The following TIAM2 variants were observed in gnomAD, a reference collection of about 807,000 sequenced individuals.
TIAM2 encodes the protein TIAM Rac1 associated GEF 2.
TIAM2 carries 80 observed loss-of-function variants against 152.9 expected under a neutral mutation model. The observed-to-expected ratio is 0.52, with a 90% CI of 0.44 to 0.63. The LOEUF (loss-of-function observed/expected upper bound fraction) is 0.63. Ranked by LOEUF, TIAM2 falls within the 30% of genes least tolerant of loss-of-function variation. The pLI is 0.00. For missense variants in TIAM2, 1,965 were observed against 2,120.1 expected, an observed-to-expected ratio of 0.93 and a Z score of 1.44; for synonymous variants, 804 against 838.0, an observed-to-expected ratio of 0.96 and a Z score of 0.70.
intron 2 of TIAM2, among the ~76,000 whole-genome samples, chr6:155,093,207 T>G (rs959972843): frequency 3.3e-5 from 5 of 152,196 alleles, no homozygotes; most frequent in Non-Finnish European, 7.3e-5. Flanking sequence ...ATAATGATAA[T>G]AATACAGTTC....
At chr6:155,180,361 T>G (rs1780870432) in intron 12 of TIAM2, among the ~76,000 whole-genome samples, 1 of 152,072 alleles carries the variant, frequency 6.6e-6, no homozygotes, top group African/African-American at 2.4e-5. Flanking sequence ...TTCCTACATT[T>G]CTCCTTGATT....
intron 2 of TIAM2, among the ~76,000 whole-genome samples, chr6:155,113,584 C>T (rs1167703797): frequency 6.6e-6 from 1 of 151,870 alleles, no homozygotes; most frequent in East Asian, 1.9e-4. Flanking sequence ...ATTAGCTGGG[C>T]GTTATGGTGG....
Position 155,119,737 on chromosome 6 carries a change from G to T in TIAM2, c.-117-7753G>T, listed in dbSNP as rs568506385. 7.2e-5 allele frequency among the ~76,000 whole-genome samples: 11 copies of T among 152,264 alleles called. No individual in the cohort carries two copies. In the East Asian group the frequency reaches 2.1e-3, roughly 29 times the overall value. On this transcript the variant is annotated intron_variant, in intron 2 of 26. Coordinates refer to ENST00000682666, the MANE Select transcript of TIAM2 (RefSeq NM_012454.4). ...CATTCTGGCAAAACTACCTCTTGTG[G>T]TTTTATAAGTCAGTTTTTAAAACAT...
intron 7 of TIAM2, among the ~76,000 whole-genome samples, chr6:155,158,748 G>C (rs932180901): frequency 6.7e-6 from 1 of 149,336 alleles, no homozygotes; most frequent in African/African-American, 2.5e-5. Context: ...ATAGAGACGG[G>C]GTTTCACCAC....
At chr6:155,215,761 T>A (rs1229272281) in intron 15 of TIAM2, among the ~76,000 whole-genome samples, 2 of 151,040 alleles carry the variant, frequency 1.3e-5, no homozygotes, top group Non-Finnish European at 3.0e-5. Context: ...TCGTGTTATA[T>A]CTAAAGCAAT....
Position 155,144,595 on chromosome 6 carries a change from CT to C in TIAM2, c.1631-10del. The stretch of plus-strand genomic sequence containing the variant: ...CTGACCGGGATGTTATTTTGCTTCT[CT>C]GTTTCACAGGATGCACGCTGCTGTT... On this transcript the variant is annotated splice_polypyrimidine_tract_variant and intron_variant, in intron 5 of 26. Transcript: ENST00000682666. 1 of 1,501,570 alleles carries C rather than the reference CT, an allele frequency of 6.7e-7. No individual in the cohort carries two copies. Among genetic ancestry groups the C allele is most frequent in the South Asian group, 1.4e-5 (1 of 71,828 alleles). 93.0% of individuals were successfully genotyped at this position (1,501,570 alleles called of 1,614,324 possible).
intron 1 of TIAM2, among the ~76,000 whole-genome samples, chr6:155,028,574 C>CATATATACTACATATATATACTGTGTT (rs1776691625): frequency 1.6e-5 from 2 of 125,726 alleles, no homozygotes; most frequent in African/African-American, 2.9e-5. Flanking sequence ...TACTGTGTTA[C>CATATATACTACATATATATACTGTGTT]ATATATACTA....
chr6:155,101,088 C>T (rs1778540160), intron 2 of TIAM2, among the ~76,000 whole-genome samples: 1 of 152,146 alleles, frequency 6.6e-6, no homozygotes, highest in Non-Finnish European at 1.5e-5. Flanking sequence ...CCAGTCCTAC[C>T]CGCCCTCACT....
intron 1 of TIAM2, among the ~76,000 whole-genome samples, chr6:155,074,681 A>C (rs1015619030): frequency 6.6e-6 from 1 of 151,956 alleles, no homozygotes; most frequent in Non-Finnish European, 1.5e-5. Flanking sequence ...TGTTCTTCCA[A>C]ATTATTATCA....
At chr6:155,250,031 T>A in intron 21 of TIAM2, 62 bp downstream of exon 21, 1 of 1,287,320 alleles carries the variant, frequency 7.8e-7, no homozygotes, top group South Asian at 1.4e-5. Flanking sequence ...GTAGGTGACC[T>A]TCTAGATAGG....
At chr6:155,114,028 A>ATTTTTTTTTT (rs1778930807) in intron 2 of TIAM2, among the ~76,000 whole-genome samples, 1 of 42,608 alleles carries the variant, frequency 2.3e-5, no homozygotes, top group Non-Finnish European at 4.5e-5. Context: ...ATATATATAT[A>ATTTTTTTTTT]TATATATATT....
At position 155,186,070 on chromosome 6, in the gene TIAM2, A is replaced by G. The variant is rs967692894; in HGVS notation, c.3064+2570A>G. 6.6e-6 allele frequency among the ~76,000 whole-genome samples: 1 copy of G among 152,226 alleles called. No homozygotes were observed. Among genetic ancestry groups the G allele is most frequent in the African/African-American group, 2.4e-5 (1 of 41,472 alleles). ...GTTGAGGGGAAAAGAAAATAAGGGT[A>G]GGTGGGTGGATTAAAAGATAAAAGT... On this transcript the variant is annotated intron_variant, in intron 14 of 26. Coordinates refer to ENST00000682666, the MANE Select transcript of TIAM2 (RefSeq NM_012454.4). The surrounding 1 kb of genome is among the most constrained non-coding windows in gnomAD (Gnocchi z 4.5).
intron 26 of TIAM2, chr6:155,255,404 A>AT (rs1783937019): frequency 6.6e-6 from 1 of 152,256 alleles, no homozygotes; most frequent in South Asian, 2.1e-4. Flanking sequence ...TACATTAACT[A>AT]TTTTGTTATT....
At chr6:155,000,751 G>A (rs1466535590) in intron 1 of TIAM2, among the ~76,000 whole-genome samples, 1 of 152,128 alleles carries the variant, frequency 6.6e-6, no homozygotes, top group Admixed American at 6.5e-5. Context: ...CTGGGAGGCC[G>A]ACGCTGGGGA....
Position 155,215,151 on chromosome 6 carries a change from T to C in TIAM2, c.3168+3844T>C, listed in dbSNP as rs183895499. On this transcript the variant is annotated intron_variant, in intron 15 of 26. Coordinates refer to ENST00000682666, the MANE Select transcript of TIAM2 (RefSeq NM_012454.4). ...CTCTTAAGAAGGAAATTGAATTTTT[T>C]CCCAAAGTTTATCTTAAGATTCAGC... 4.3e-3 allele frequency among the ~76,000 whole-genome samples: 650 copies of C among 152,284 alleles called. 3 individuals carry two copies. The highest frequency in any genetic ancestry group is 9.9e-3 in the African/African-American group (410 of 41,548).
intron 15 of TIAM2, among the ~76,000 whole-genome samples, chr6:155,235,934 T>C (rs9384303): frequency 0.14 from 20,751 of 152,216 alleles, 1,639 homozygotes; most frequent in Non-Finnish European, 0.19. Context: ...TCTCACCAGA[T>C]GCCATTTAAC....
intron 2 of TIAM2, among the ~76,000 whole-genome samples, chr6:155,111,403 A>G (rs1778845922): frequency 6.6e-6 from 1 of 152,154 alleles, no homozygotes; most frequent in Admixed American, 6.5e-5. Flanking sequence ...TTAACTATAA[A>G]ACAACAACAA....
intron 2 of TIAM2, among the ~76,000 whole-genome samples, chr6:155,115,004 C>T (rs11963901): frequency 0.19 from 28,210 of 151,332 alleles, 3,792 homozygotes; most frequent in African/African-American, 0.38. Flanking sequence ...ATTTTTGTAT[C>T]TTTGGTAGAG....
chr6:155,189,297 C>A lies in TIAM2; in HGVS notation c.3064+5797C>A, dbSNP rs1188133494. 2.0e-5 allele frequency among the ~76,000 whole-genome samples: 3 copies of A among 151,974 alleles called. No homozygotes were observed. In the East Asian group the frequency reaches 5.8e-4, roughly 29 times the overall value. On this transcript the variant is annotated intron_variant, in intron 14 of 26. Transcript: ENST00000682666. ...TATTAGTGAGTCTGGCTGGCTGATA[C>A]CCCAGATTTCCAGATGTAAAAACAT...
Sources: gnomAD v4.1 joint callset for allele counts (sites outside exome capture counted in the v4.1 genomes callset) on GRCh38, gnomAD v4.1.1 for gene constraint, Gnocchi (gnomAD v3.1) non-coding constraint, MANE v1.5 for transcripts, NCBI Gene and HGNC (gene_info 2026-07-23, HGNC 2026-07-21) for gene names.